The following KDM4C variants were observed in gnomAD, a reference collection of about 807,000 sequenced individuals.
The protein encoded by KDM4C is lysine demethylase 4C, also known as lysine-specific demethylase 4C.
Under a neutral mutation model 129.3 loss-of-function variants are expected in KDM4C, and 81 were observed. The ratio of observed to expected loss-of-function variants is 0.63; its 90% CI spans 0.52 to 0.75. The LOEUF is 0.75. Ranked by LOEUF, KDM4C falls within the 30% of genes least tolerant of loss-of-function variation. KDM4C has a pLI of 0.00. For synonymous variants in KDM4C, 573 were observed against 456.1 expected, an observed-to-expected ratio of 1.26 and a Z score of -3.26; for missense variants, 1,457 against 1,304.0, an observed-to-expected ratio of 1.12 and a Z score of -1.81.
chr9:6,787,380 G>A (rs536827604), intron 1 of KDM4C, among the ~76,000 whole-genome samples: 10 of 152,224 alleles, frequency 6.6e-5, no homozygotes, highest in East Asian at 5.8e-4. Flanking sequence ...TCACAGGCAC[G>A]CACCACCACA....
At chr9:7,056,418 G>A (rs1298909317) in intron 17 of KDM4C, among the ~76,000 whole-genome samples, 1 of 151,748 alleles carries the variant, frequency 6.6e-6, no homozygotes. Context: ...ACAGGGACTA[G>A]ATCCTATTGC....
intron 8 of KDM4C, among the ~76,000 whole-genome samples, chr9:6,921,907 A>C (rs1309932317): frequency 2.0e-5 from 3 of 151,612 alleles, no homozygotes; most frequent in East Asian, 3.9e-4. Context: ...TTCCCAGAAT[A>C]CCCCTCCCCA....
At chr9:6,824,955 C>A (rs2131259493) in intron 4 of KDM4C, among the ~76,000 whole-genome samples, 1 of 151,920 alleles carries the variant, frequency 6.6e-6, no homozygotes, top group South Asian at 2.1e-4. Context: ...ACCAGCCTGG[C>A]CAACATGGTG....
intron 1 of KDM4C, among the ~76,000 whole-genome samples, chr9:6,760,443 G>T (rs1374907544): frequency 9.6e-6 from 1 of 103,986 alleles, no homozygotes; most frequent in African/African-American, 4.7e-5. Flanking sequence ...CTCTACTCTT[G>T]GGTATATATA....
At chr9:7,138,486 G>A (rs553654117) in intron 19 of KDM4C, among the ~76,000 whole-genome samples, 2 of 152,134 alleles carry the variant, frequency 1.3e-5, no homozygotes, top group African/African-American at 2.4e-5. Context: ...ATTTTTCCAC[G>A]AGTAATTAAA....
intron 8 of KDM4C, 88 bp from the exon 9 acceptor site, chr9:6,980,837 A>G: frequency 9.0e-7 from 1 of 1,105,142 alleles, no homozygotes; most frequent in East Asian, 2.4e-5. Flanking sequence ...GTGACTAAGT[A>G]TTCATGGATG....
In KDM4C at chr9:6,931,593, C is replaced by G. The variant is rs149993449; in HGVS notation, c.921+38361C>G. On this transcript the variant is annotated intron_variant, in intron 8 of 21. Coordinates refer to ENST00000381309, the MANE Select transcript of KDM4C (RefSeq NM_015061.6). ...TTGGCTCACTGTAGCCTCCATCACCCAAGCTCAATCAGTCCTTCCACCTCA... is the reference window on the plus strand; with the variant it reads ...TTGGCTCACTGTAGCCTCCATCACCGAAGCTCAATCAGTCCTTCCACCTCA... Among the ~76,000 whole-genome samples the G allele has an allele frequency of 2.8e-3, 426 of 152,252 alleles. 2 individuals carry two copies. The highest frequency in any genetic ancestry group is 9.7e-3 in the African/African-American group (405 of 41,540).
At chr9:6,982,860 A>G (rs1009701106) in intron 9 of KDM4C, 7 of 152,224 alleles carry the variant, frequency 4.6e-5, no homozygotes, top group South Asian at 2.1e-4. Flanking sequence ...CAAATAATCA[A>G]TGGAACTTGC....
intron 1 of KDM4C, chr9:6,723,550 A>T (rs980236555): frequency 2.0e-5 from 3 of 151,158 alleles, no homozygotes; most frequent in Non-Finnish European, 1.5e-5. Flanking sequence ...ACTCTGCTCC[A>T]GTCAACCCCA....
At chr9:7,058,860 CT>C (rs59489339) in intron 17 of KDM4C, among the ~76,000 whole-genome samples, 99,700 of 149,698 alleles carry the variant, frequency 0.67, 33,133 homozygotes, top group South Asian at 0.73. Context: ...TTCATGCAAC[CT>C]TTTTTTTTTT....
intron 4 of KDM4C, among the ~76,000 whole-genome samples, chr9:6,818,244 T>C (rs892534977): frequency 3.9e-5 from 6 of 152,238 alleles, no homozygotes; most frequent in Non-Finnish European, 8.8e-5. Context: ...TCATTTCAGT[T>C]TCTTTTAGCA....
At chr9:6,843,249 C>G (rs537050686) in intron 4 of KDM4C, among the ~76,000 whole-genome samples, 3 of 152,362 alleles carry the variant, frequency 2.0e-5, no homozygotes, top group East Asian at 3.9e-4. Context: ...CTGTTTGGAA[C>G]AGGATGCTGA....
At chr9:6,729,204 CAAAAA>C (rs1186478804) in intron 1 of KDM4C, among the ~76,000 whole-genome samples, 1 of 32,098 alleles carries the variant, frequency 3.1e-5, no homozygotes, top group African/African-American at 2.1e-4. Context: ...GCTCCGTCTC[CAAAAA>C]AAAAAAAAAA....
intron 5 of KDM4C, among the ~76,000 whole-genome samples, chr9:6,879,557 C>T (rs1844120821): frequency 6.6e-6 from 1 of 152,016 alleles, no homozygotes; most frequent in African/African-American, 2.4e-5. Context: ...TTCTGCTTGT[C>T]AATAAAAATA....
chr9:7,144,848 A>C (rs1252656786), intron 19 of KDM4C, among the ~76,000 whole-genome samples: 1 of 152,250 alleles, frequency 6.6e-6, no homozygotes, highest in Non-Finnish European at 1.5e-5. Context: ...GAGCTAAGCT[A>C]TTCTTAGGTC....
intron 1 of KDM4C, among the ~76,000 whole-genome samples, chr9:6,785,357 G>GAA (rs1825256451): frequency 4.1e-5 from 5 of 122,176 alleles, no homozygotes; most frequent in Admixed American, 7.9e-5. Flanking sequence ...TTTTTTTTGA[G>GAA]ATGGAGTCTC....
chr9:6,928,063 C>A (rs1029198199), intron 8 of KDM4C, among the ~76,000 whole-genome samples: 5 of 152,130 alleles, frequency 3.3e-5, no homozygotes, highest in Non-Finnish European at 7.4e-5. Context: ...ACCACTTATT[C>A]CTTTTTTAGC....
intron 19 of KDM4C, among the ~76,000 whole-genome samples, chr9:7,135,048 T>G (rs1045429165): frequency 6.6e-6 from 1 of 152,234 alleles, no homozygotes; most frequent in African/African-American, 2.4e-5. Context: ...GAATGAAATG[T>G]TGAAGCCTTT....
chr9:7,103,685 A>G lies in KDM4C; in HGVS notation c.2425A>G (p.Lys809Glu). 5.0e-6 allele frequency: 8 copies of G among 1,613,172 alleles called. No homozygotes were observed. Among genetic ancestry groups the G allele is most frequent in the Non-Finnish European group, 6.8e-6 (8 of 1,179,460 alleles). Residue 809 changes from lysine (K) to glutamate (E), a missense_variant and splice_region_variant, in exon 18 of 22, where the codon AAA (lysine) becomes GAA (glutamate). By Grantham distance (56) the Lys-to-Glu change is moderately conservative (BLOSUM62 1). Coordinates refer to ENST00000381309, the MANE Select transcript of KDM4C (RefSeq NM_015061.6). ...GTTCTTCTCTGTTTTAACCTTCCAGAAATGCATCTTCTGCAGACACCGGGT... is the reference window on the plus strand; with the variant it reads ...GTTCTTCTCTGTTTTAACCTTCCAGGAATGCATCTTCTGCAGACACCGGGT... ...GRIPLQRLKL[K>E]CIFCRHRVKR...
Sources: gnomAD v4.1 joint callset for allele counts (sites outside exome capture counted in the v4.1 genomes callset) on GRCh38, gnomAD v4.1.1 for gene constraint, MANE v1.5 for transcripts, NCBI Gene and HGNC (gene_info 2026-07-23, HGNC 2026-07-21) for gene names.